LRRFIP2: variants seen among roughly 807,000 people sequenced by gnomAD.
The protein encoded by LRRFIP2 is leucine-rich repeat flightless-interacting protein 2.
LRRFIP2 carries 109 observed loss-of-function variants against 125.9 expected under a neutral mutation model. The observed-to-expected ratio is 0.87, with a 90% CI of 0.74 to 1.01. The LOEUF is 1.01. Ranked by LOEUF, LRRFIP2 falls within the 50% of genes least tolerant of loss-of-function variation. The pLI, the probability that LRRFIP2 is intolerant of heterozygous loss-of-function variation, is 0.00. For synonymous variants in LRRFIP2, 291 were observed against 293.1 expected, an observed-to-expected ratio of 0.99 and a Z score of 0.07; for missense variants, 850 against 862.3, an observed-to-expected ratio of 0.99 and a Z score of 0.18.
chr3:37,110,992 C>T lies in LRRFIP2; in HGVS notation c.512G>A (p.Arg171Gln), dbSNP rs756344812. The change falls in exon 9 of 28, where the codon CGG (arginine) becomes CAG (glutamine). Residue 171 changes from arginine (R) to glutamine (Q), a missense_variant and splice_region_variant. Transcript: ENST00000336686. Reference sequence around the variant, plus strand: ...AAAGCCAAAAAAGTTTAGACAAACCCGAGTGTAGTAGGCAGAGGTGGGTTT... The same window carrying T: ...AAAGCCAAAAAAGTTTAGACAAACCTGAGTGTAGTAGGCAGAGGTGGGTTT... ...HSKPTSAYYT[R>Q]QSSSLYSDPL... The T allele has an allele frequency of 4.3e-6, 7 of 1,613,206 alleles. No homozygotes were observed. Among genetic ancestry groups the T allele is most frequent in the Admixed American group, 1.7e-5 (1 of 59,936 alleles).
chr3:37,146,864 T>C (rs916664574), intron 2 of LRRFIP2, among the ~76,000 whole-genome samples: 2 of 152,036 alleles, frequency 1.3e-5, no homozygotes, highest in East Asian at 1.9e-4. Context: ...AATTGACAAA[T>C]GGGATCTAAT....
chr3:37,176,004 G>A (rs1458603010), upstream of LRRFIP2: 1 of 152,180 alleles, frequency 6.6e-6, no homozygotes, highest in Non-Finnish European at 1.5e-5. Context: ...CGGGAAAAAG[G>A]TTCCCAACTC....
At chr3:37,155,659 G>C (rs1032019428) in intron 1 of LRRFIP2, among the ~76,000 whole-genome samples, 1 of 152,090 alleles carries the variant, frequency 6.6e-6, no homozygotes, top group Non-Finnish European at 1.5e-5. Context: ...TAAAATATTT[G>C]CATATTGTTC....
chr3:37,114,421 A>G (rs1165064404), intron 7 of LRRFIP2, among the ~76,000 whole-genome samples: 1 of 152,172 alleles, frequency 6.6e-6, no homozygotes, highest in African/African-American at 2.4e-5. Context: ...CATGAAGACA[A>G]GTTTCTAACA....
chr3:37,096,852 G>C (rs1485018229), intron 15 of LRRFIP2, among the ~76,000 whole-genome samples, 192 bp from the exon 16 acceptor site: 1 of 151,950 alleles, frequency 6.6e-6, no homozygotes, highest in Non-Finnish European at 1.5e-5. Context: ...TATCCTAAGG[G>C]AGACACTGAG....
At chr3:37,140,596 T>C (rs1468906305) in intron 2 of LRRFIP2, among the ~76,000 whole-genome samples, 2 of 146,566 alleles carry the variant, frequency 1.4e-5, no homozygotes, top group Non-Finnish European at 3.0e-5. Context: ...CCGGGCGTGG[T>C]AGCGCAAGAT....
At chr3:37,075,425 C>T (rs2091887471) in intron 19 of LRRFIP2, among the ~76,000 whole-genome samples, 1 of 151,570 alleles carries the variant, frequency 6.6e-6, no homozygotes, top group African/African-American at 2.4e-5. Context: ...AAATAAAATT[C>T]AAAGAAGGAA....
upstream of LRRFIP2, chr3:37,176,268 G>C (rs186385005): frequency 1.3e-5 from 2 of 152,266 alleles, no homozygotes; most frequent in Non-Finnish European, 2.9e-5. Flanking sequence ...TCTGCGCCGC[G>C]GCTGAGACAG....
chr3:37,130,820 CCA>C (rs1001490936), intron 2 of LRRFIP2, among the ~76,000 whole-genome samples: 1 of 152,064 alleles, frequency 6.6e-6, no homozygotes, highest in African/African-American at 2.4e-5. Context: ...CAAAGAGAAG[CCA>C]CACAGTGCTT....
At chr3:37,167,272 G>A (rs546985879) in intron 1 of LRRFIP2, among the ~76,000 whole-genome samples, 2 of 152,000 alleles carry the variant, frequency 1.3e-5, no homozygotes, top group African/African-American at 4.8e-5. Context: ...CCATCACCAG[G>A]GAAATACAAA....
chr3:37,108,598 T>A, intron 12 of LRRFIP2, 39 bp downstream of exon 12: 1 of 1,543,810 alleles, frequency 6.5e-7, no homozygotes, highest in Non-Finnish European at 8.9e-7. Flanking sequence ...CCCACCCACA[T>A]TTCCCTCCTC....
At chr3:37,058,675 CAAAAA>C (rs58404365) in intron 25 of LRRFIP2, 110 bp downstream of exon 25, 1,083 of 903,256 alleles carry the variant, frequency 1.2e-3, no homozygotes, top group Non-Finnish European at 1.4e-3. Flanking sequence ...ACTCCCATCT[CAAAAA>C]AAAAAAAAAA....
chr3:37,096,557 G>A (rs2093728840), intron 16 of LRRFIP2, 59 bp downstream of exon 16: 1 of 1,030,294 alleles, frequency 9.7e-7, no homozygotes, highest in African/African-American at 1.6e-5. Context: ...TAATGAACAA[G>A]TTACAGATAG....
At chr3:37,128,853 C>G (rs1203934667) in intron 3 of LRRFIP2, among the ~76,000 whole-genome samples, 2 of 152,122 alleles carry the variant, frequency 1.3e-5, no homozygotes, top group Non-Finnish European at 2.9e-5. Context: ...TAACAATGGA[C>G]ACGATAATAG....
chr3:37,057,835 AT>A (rs2148643192), intron 25 of LRRFIP2, among the ~76,000 whole-genome samples: 1 of 152,340 alleles, frequency 6.6e-6, no homozygotes, highest in East Asian at 1.9e-4. Flanking sequence ...CTAACTACAA[AT>A]TCCTGCTGAA....
At chr3:37,139,936 T>G (rs1298742392) in intron 2 of LRRFIP2, among the ~76,000 whole-genome samples, 1 of 152,204 alleles carries the variant, frequency 6.6e-6, no homozygotes, top group African/African-American at 2.4e-5. Flanking sequence ...ATCACCTTAT[T>G]GAAATTGTTC....
intron 1 of LRRFIP2, among the ~76,000 whole-genome samples, chr3:37,157,407 C>T (rs2096230849): frequency 6.6e-6 from 1 of 152,008 alleles, no homozygotes; most frequent in Non-Finnish European, 1.5e-5. Flanking sequence ...CACACCACTG[C>T]ACTCCAGCCT....
intron 15 of LRRFIP2, among the ~76,000 whole-genome samples, chr3:37,098,356 C>G (rs1481971217): frequency 6.6e-6 from 1 of 151,022 alleles, no homozygotes; most frequent in Admixed American, 6.6e-5. Flanking sequence ...TATACATGTG[C>G]CATGCTGCTT....
chr3:37,141,292 T>C (rs1194441338), intron 2 of LRRFIP2, among the ~76,000 whole-genome samples: 1 of 152,104 alleles, frequency 6.6e-6, no homozygotes, highest in Non-Finnish European at 1.5e-5. Flanking sequence ...CCCCACAGCT[T>C]TGAAAATCAA....
Sources: allele counts gnomAD v4.1 joint callset (sites outside exome capture counted in the v4.1 genomes callset), GRCh38; gene constraint gnomAD v4.1.1; transcripts MANE v1.5; gene names NCBI Gene and HGNC (gene_info 2026-07-23, HGNC 2026-07-21).